AHNAK: variants seen among roughly 807,000 people sequenced by gnomAD.
AHNAK encodes the protein AHNAK nucleoprotein.
A neutral mutation model predicts 37.8 loss-of-function variants in AHNAK; 23 were observed. The observed-to-expected ratio is 0.61, with a 90% CI of 0.44 to 0.86. The LOEUF (loss-of-function observed/expected upper bound fraction) is 0.86, where lower values mean the gene tolerates loss of function less well. Among genes scored for constraint, AHNAK ranks in the 40% least tolerant of loss-of-function variants. The probability of loss-of-function intolerance (pLI) is 0.00; values close to 1 mark genes in which losing one functional copy is unlikely to be tolerated. For synonymous variants in AHNAK, 2,481 were observed against 2,636.3 expected (o/e 0.94, Z 1.80); for missense variants, 7,411 against 7,319.4 (o/e 1.01, Z -0.46).
rs963551878 is a variant in AHNAK, at chr11:62,433,741, C to G, written c.*143G>C. ...TATAAACATGCATGCTCCGAAAAGCCGCCTCGCGGAAGGTATTCCTTTAAC... is the reference window on the plus strand; with the variant it reads ...TATAAACATGCATGCTCCGAAAAGCGGCCTCGCGGAAGGTATTCCTTTAAC... On this transcript the variant is annotated 3_prime_UTR_variant, in exon 6 of 6. Transcript: ENST00000257247. 2.5e-6 allele frequency: 3 copies of G among 1,191,664 alleles called. No homozygotes were observed. The African/African-American group carries it at 4.6e-5, about 18-fold the overall frequency. The allele number at this position is 1,191,664 out of a possible 1,614,324, so 73.8% of individuals were successfully genotyped here. A position where few individuals can be genotyped will look rare whatever the true frequency, so the allele number is the denominator to read the frequency against.
At chr11:62,474,523 T>C (rs980060982) in intron 5 of AHNAK, among the ~76,000 whole-genome samples, 4 of 152,172 alleles carry the variant, frequency 2.6e-5, no homozygotes, top group Non-Finnish European at 4.4e-5. Context: ...GTGATTCTTA[T>C]GCACCTTAAG....
rs556898942 is a variant in AHNAK at position 62,522,338 on chromosome 11, C to T, written c.12079G>A (p.Glu4027Lys). The change falls in exon 5 of 5, where the codon GAA (glutamate) becomes AAA (lysine). Residue 4027 changes from glutamate (E) to lysine (K), a missense_variant. Coordinates refer to ENST00000378024, the MANE Select transcript of AHNAK (RefSeq NM_001620.3). Reference protein sequence around the residue: ...GDVDVSLPKMEGDLKAPEVDI... With the variant: ...GDVDVSLPKMKGDLKAPEVDI... Reference sequence around the variant, plus strand: ...ACTTCAGGGGCCTTTAGATCACCTTCCATCTTAGGCAGAGAAACATCCACA... The same window carrying T: ...ACTTCAGGGGCCTTTAGATCACCTTTCATCTTAGGCAGAGAAACATCCACA... 9.0e-5 allele frequency: 146 copies of T among 1,613,554 alleles called. 2 individuals carry two copies. The South Asian group carries it at 1.5e-3, about 17-fold the overall frequency.
intron 4 of AHNAK, among the ~76,000 whole-genome samples, chr11:62,499,947 G>A (rs1439835196): frequency 6.6e-6 from 1 of 152,230 alleles, no homozygotes; most frequent in East Asian, 1.9e-4. Flanking sequence ...CAGAAGCCAG[G>A]AAGGAGAGCC....
Position 62,532,917 on chromosome 11 carries a change from G to A in AHNAK, c.1500C>T (p.Ile500=), listed in dbSNP as rs1940813619. The A allele has an allele frequency of 1.2e-6, 2 of 1,614,096 alleles. No homozygotes were observed. Among genetic ancestry groups the A allele is most frequent in the Non-Finnish European group, 1.7e-6 (2 of 1,180,016 alleles). ...GGCTCAGATCCACATCCTGCATGGA[G>A]ATTTTAGGTTTCTGAATAATCATTT... is the stretch of plus-strand genomic sequence containing the variant. The part of the protein sequence containing the change: ...TPEMIIQKPK[I]SMQDVDLSLG... The change falls in exon 5 of 5, where the codon ATC becomes ATT. Residue 500 remains isoleucine (I), a synonymous_variant. Coordinates refer to ENST00000378024, the MANE Select transcript of AHNAK (RefSeq NM_001620.3).
At chr11:62,482,144 G>A (rs1032140899) in intron 5 of AHNAK, among the ~76,000 whole-genome samples, 2 of 152,176 alleles carry the variant, frequency 1.3e-5, no homozygotes, top group African/African-American at 4.8e-5. Context: ...GCCGGGTGCA[G>A]TGGCTCACAT....
intron 5 of AHNAK, among the ~76,000 whole-genome samples, chr11:62,481,380 T>C (rs1293030): frequency 0.76 from 115,733 of 151,474 alleles, 50,341 homozygotes; most frequent in Non-Finnish European, 0.96. Flanking sequence ...GTGCTGGGAC[T>C]ACAGGAGTGA....
At position 62,533,523 on chromosome 11, in the gene AHNAK, A is replaced by C. The variant is rs1940837841; in HGVS notation, c.894T>G (p.Ser298Arg). 1 of 1,613,594 alleles carries C rather than the reference A, an allele frequency of 6.2e-7. No homozygotes were observed. Among genetic ancestry groups the C allele is most frequent in the Non-Finnish European group, 8.5e-7 (1 of 1,179,914 alleles). The change falls in exon 5 of 5, where the codon AGT becomes AGG. Residue 298 changes from serine (S) to arginine (R), a missense_variant. Physicochemically the swap from Ser to Arg is moderately radical, Grantham distance 110. Coordinates refer to ENST00000378024, the MANE Select transcript of AHNAK (RefSeq NM_001620.3). ...GAAATTTAATTTTGCCATGATCACC[A>C]CTCTCCAGAGATGGGCCCTGTACCT... ...AVEVQGPSLE[S>R]GDHGKIKFPT... is the part of the protein sequence containing the mutation.
At chr11:62,466,495 A>G (rs1938915785) in intron 5 of AHNAK, among the ~76,000 whole-genome samples, 1 of 140,834 alleles carries the variant, frequency 7.1e-6, no homozygotes, top group African/African-American at 2.7e-5. Context: ...TTTTTTTACC[A>G]GACTCTCTTC....
rs140181767 is a variant in AHNAK at position 62,533,185 on chromosome 11, G to C, written c.1232C>G (p.Pro411Arg). The change falls in exon 5 of 5, where the codon CCC becomes CGC. Residue 411 changes from proline to arginine, a missense_variant. Pro to Arg is a moderately radical substitution (Grantham distance 103, BLOSUM62 -2). Coordinates refer to ENST00000378024, the MANE Select transcript of AHNAK (RefSeq NM_001620.3). ...APQIGGSITG[P>R]SVEVQAPDID... ...GTCAGGGGCCTGAACTTCCACACTG[G>C]GGCCAGTGATGCTACCCCCAATTTG... The C allele has an allele frequency of 6.5e-7, 1 of 1,529,820 alleles. No individual in the cohort carries two copies. Among genetic ancestry groups the C allele is most frequent in the African/African-American group, 1.4e-5 (1 of 71,756 alleles). 94.8% of individuals were successfully genotyped at this position (1,529,820 alleles called of 1,614,324 possible). A position where few individuals can be genotyped will look rare whatever the true frequency, so the allele number is the denominator to read the frequency against.
intron 5 of AHNAK, among the ~76,000 whole-genome samples, chr11:62,446,017 A>C (rs1355609267): frequency 6.6e-6 from 1 of 152,166 alleles, no homozygotes; most frequent in Non-Finnish European, 1.5e-5. Flanking sequence ...CAAAACAAAC[A>C]AACAAGCAAA....
Position 62,528,941 on chromosome 11 carries a change from C to T in AHNAK, c.5476G>A (p.Val1826Met). ...DVKGPFVEAE[V>M]PDVDLECPDA... Reference sequence around the variant, plus strand: ...GGACACTCCAGATCAACATCGGGCACCTCCGCTTCCACAAAAGGACCTTTG... The same window carrying T: ...GGACACTCCAGATCAACATCGGGCATCTCCGCTTCCACAAAAGGACCTTTG... The change falls in exon 5 of 5, where the codon GTG (valine) becomes ATG (methionine). Residue 1826 changes from valine to methionine, a missense_variant. Val to Met is a conservative substitution (Grantham distance 21). Coordinates refer to ENST00000378024, the MANE Select transcript of AHNAK (RefSeq NM_001620.3). 1 of 1,614,166 alleles carries T rather than the reference C, an allele frequency of 6.2e-7. No homozygotes were observed. Among genetic ancestry groups the T allele is most frequent in the Non-Finnish European group, 8.5e-7 (1 of 1,180,032 alleles).
At chr11:62,540,158 C>T (rs1334835079) in intron 1 of AHNAK, among the ~76,000 whole-genome samples, 2 of 152,222 alleles carry the variant, frequency 1.3e-5, no homozygotes, top group Non-Finnish European at 2.9e-5. Context: ...CAGCCAAGTG[C>T]CATAAGCCTT....
chr11:62,491,763 G>T (rs199527649), exon 5 of AHNAK: 33 of 1,612,658 alleles, frequency 2.0e-5, no homozygotes, highest in Admixed American at 3.3e-5. Context: ...AAACTGCCCC[G>T]GCTTGGCTGC....
chr11:62,449,051 G>C (rs772709796), intron 5 of AHNAK, among the ~76,000 whole-genome samples: 1 of 152,070 alleles, frequency 6.6e-6, no homozygotes, highest in African/African-American at 2.4e-5. Context: ...CTGGGTGACA[G>C]AGCGAGACTC....
chr11:62,501,921 C>A lies in AHNAK; in HGVS notation c.343-10090G>T, dbSNP rs377293439. On this transcript the variant is annotated intron_variant, in intron 4 of 5. Transcript: ENST00000257247. ...GCCAGGCTTTCCAGGTCAAAAAATT[C>A]TCTAGGAAGGAAGGGAAGGAGAACA... Among the ~76,000 whole-genome samples the A allele has an allele frequency of 7.2e-5, 11 of 152,302 alleles. 1 individual carries two copies. Among genetic ancestry groups the A allele is most frequent in the African/African-American group, 2.6e-4 (11 of 41,566 alleles).
chr11:62,535,414 C>T (rs981213656), intron 3 of AHNAK, among the ~76,000 whole-genome samples: 8 of 151,974 alleles, frequency 5.3e-5, no homozygotes, highest in Non-Finnish European at 7.4e-5. Flanking sequence ...TTTGGGAGAC[C>T]GAGGCAGGTG....
intron 5 of AHNAK, among the ~76,000 whole-genome samples, chr11:62,481,691 C>A (rs1052011567): frequency 6.6e-6 from 1 of 152,050 alleles, no homozygotes; most frequent in Non-Finnish European, 1.5e-5. Context: ...CATTCTCCTG[C>A]CTCAGCCTCT....
Position 62,524,081 on chromosome 11 carries a change from C to T in AHNAK, c.10336G>A (p.Gly3446Ser). 6.2e-7 allele frequency: 1 copy of T among 1,614,082 alleles called. No homozygotes were observed. The change falls in exon 5 of 5, where the codon GGC becomes AGC. Residue 3446 changes from glycine to serine, a missense_variant. Coordinates refer to ENST00000378024, the MANE Select transcript of AHNAK (RefSeq NM_001620.3). ...AGPNLEGDFKGPKVDIKAPEV... is the reference protein window; with the variant it reads ...AGPNLEGDFKSPKVDIKAPEV... ...GGTGCCTTAATATCCACTTTGGGGC[C>T]TTTAAAGTCACCTTCTAAATTGGGA...
intron 5 of AHNAK, among the ~76,000 whole-genome samples, chr11:62,483,452 C>T (rs766680307): frequency 1.1e-4 from 17 of 152,338 alleles, no homozygotes; most frequent in African/African-American, 2.4e-4. Flanking sequence ...GCGGGCCGGG[C>T]GCGGTGGCTC....
Sources: gnomAD v4.1 joint callset for allele counts (sites outside exome capture counted in the v4.1 genomes callset) on GRCh38, gnomAD v4.1.1 for gene constraint, MANE v1.5 for transcripts, NCBI Gene and HGNC (gene_info 2026-07-23, HGNC 2026-07-21) for gene names.